Variants in RABGAP1L observed in about 807,000 individuals in gnomAD.
The protein encoded by RABGAP1L is rab GTPase-activating protein 1-like.
A neutral mutation model predicts 137.7 loss-of-function variants in RABGAP1L; 63 were observed. The ratio of observed to expected loss-of-function variants is 0.46; its 90% CI spans 0.37 to 0.56. The LOEUF is 0.56. Among genes scored for constraint, RABGAP1L ranks in the 20% least tolerant of loss-of-function variants. The probability of loss-of-function intolerance (pLI) is 0.00; values close to 1 mark genes in which losing one functional copy is unlikely to be tolerated. For synonymous variants in RABGAP1L, 431 were observed against 433.7 expected (o/e 0.99, Z 0.08); for missense variants, 1,095 against 1,244.0 (o/e 0.88, Z 1.80).
intron 13 of RABGAP1L, among the ~76,000 whole-genome samples, chr1:174,453,611 C>T (rs1033626965): frequency 2.6e-5 from 4 of 152,028 alleles, no homozygotes; most frequent in South Asian, 4.1e-4. Context: ...TGTACTCTGA[C>T]GTGTAGGTTC....
At position 174,433,321 on chromosome 1, in the gene RABGAP1L, A is replaced by G. The variant is rs377313346; in HGVS notation, c.1710+39176A>G. On this transcript the variant is annotated intron_variant, in intron 13 of 25. Coordinates refer to ENST00000681986, the MANE Select transcript of RABGAP1L (RefSeq NM_001366446.1). The stretch of plus-strand genomic sequence containing the variant: ...TACCTAGAGGAAAATATGAGAAGAA[A>G]GGTCATACTGTGTATGGTTTTATTT... 2.6e-4 allele frequency among the ~76,000 whole-genome samples: 40 copies of G among 152,320 alleles called. No homozygotes were observed. The East Asian group carries it at 4.6e-3, about 18-fold the overall frequency.
At chr1:174,945,398 C>T (rs1461413182) in intron 19 of RABGAP1L, 1 of 152,040 alleles carries the variant, frequency 6.6e-6, no homozygotes, top group African/African-American at 2.4e-5. Context: ...GAGCACCTCC[C>T]CCAAAAGAAA....
chr1:174,195,731 T>TTTTC (rs758201910), intron 1 of RABGAP1L, among the ~76,000 whole-genome samples: 89 of 85,164 alleles, frequency 1.0e-3, no homozygotes, highest in Middle Eastern at 6.4e-3. Context: ...CTTTTCTTTC[T>TTTTC]TTTCTTTCTT....
At position 174,250,566 on chromosome 1, in the gene RABGAP1L, A is replaced by C; in HGVS notation, c.809A>C (p.Asp270Ala). The C allele has an allele frequency of 6.2e-7, 1 of 1,614,008 alleles. No individual in the cohort carries two copies. Among genetic ancestry groups the C allele is most frequent in the Non-Finnish European group, 8.5e-7 (1 of 1,179,938 alleles). Residue 270 changes from aspartate (D) to alanine (A), a missense_variant, in exon 6 of 26, where the codon GAC becomes GCC. Coordinates refer to ENST00000681986, the MANE Select transcript of RABGAP1L (RefSeq NM_001366446.1). ...AAAGACTCAGTTATTCCTACCCCCG[A>C]CAGTGATGTGTTTACCTTCAGTGTC... ...DVKDSVIPTPDSDVFTFSVSL... is the reference protein window; with the variant it reads ...DVKDSVIPTPASDVFTFSVSL...
intron 13 of RABGAP1L, among the ~76,000 whole-genome samples, chr1:174,408,357 G>A (rs1553296135): frequency 6.6e-6 from 1 of 152,072 alleles, no homozygotes. Flanking sequence ...TAGGATAATG[G>A]CCTCCAGCTG....
At chr1:174,848,396 A>T (rs1394177260) in intron 19 of RABGAP1L, among the ~76,000 whole-genome samples, 13 of 133,326 alleles carry the variant, frequency 9.8e-5, no homozygotes, top group Non-Finnish European at 1.1e-4. Context: ...TGATGTACAG[A>T]TGGGTTTTTG....
Position 174,569,809 on chromosome 1 carries a change from G to C in RABGAP1L, c.1711-67566G>C, listed in dbSNP as rs1046667697. On this transcript the variant is annotated intron_variant, in intron 13 of 25. Coordinates refer to ENST00000681986, the MANE Select transcript of RABGAP1L (RefSeq NM_001366446.1). ...AGTAGAGAAGTTTGAAAGCTCTGCT[G>C]CTTCTTCCTTCTGCTAGACAAGGTT... is the stretch of plus-strand genomic sequence containing the variant. 2.0e-5 allele frequency among the ~76,000 whole-genome samples: 3 copies of C among 152,198 alleles called. No individual in the cohort carries two copies. In the East Asian group the frequency reaches 5.8e-4, roughly 29 times the overall value.
At position 174,278,770 on chromosome 1, in the gene RABGAP1L, A is replaced by G; in HGVS notation, c.1314A>G (p.Arg438=). The G allele has an allele frequency of 6.4e-7, 1 of 1,557,326 alleles. No homozygotes were observed. Among genetic ancestry groups the G allele is most frequent in the Admixed American group, 2.1e-5 (1 of 47,578 alleles). The change falls in exon 10 of 26, where the codon AGA becomes AGG. Residue 438 remains arginine (R), a synonymous_variant. Transcript: ENST00000681986. ...RKTFTETFFM[R]LKQSEGKGHT... ...CTTTCACAGAGACTTTCTTCATGAG[A>G]TTGAAACAGGTAGGACCTTTTTGTT...
At chr1:174,648,770 T>C (rs935914074) in intron 14 of RABGAP1L, among the ~76,000 whole-genome samples, 15 of 152,272 alleles carry the variant, frequency 9.9e-5, no homozygotes, top group African/African-American at 3.4e-4. Context: ...ATTTTCTGTC[T>C]TGTTGATCTG....
chr1:174,433,620 G>A (rs1652900264), intron 13 of RABGAP1L, among the ~76,000 whole-genome samples: 1 of 152,148 alleles, frequency 6.6e-6, no homozygotes, highest in Non-Finnish European at 1.5e-5. Flanking sequence ...CAGCTGGGCT[G>A]TTGTGTCTTG....
intron 19 of RABGAP1L, among the ~76,000 whole-genome samples, chr1:174,829,160 A>T (rs1022689671): frequency 6.8e-6 from 1 of 147,666 alleles, no homozygotes; most frequent in Non-Finnish European, 1.5e-5. Context: ...ATAGTAGATG[A>T]ATCAAGGAGT....
chr1:174,463,682 G>T (rs1362878287), intron 13 of RABGAP1L, among the ~76,000 whole-genome samples: 1 of 151,552 alleles, frequency 6.6e-6, no homozygotes, highest in African/African-American at 2.4e-5. Context: ...TAAAAAAGAA[G>T]ACATATGTGT....
chr1:174,822,620 T>C (rs1193984742), intron 19 of RABGAP1L, among the ~76,000 whole-genome samples: 2 of 152,190 alleles, frequency 1.3e-5, no homozygotes, highest in South Asian at 2.1e-4. Flanking sequence ...TAGATTCTCA[T>C]AGACAGAGCA....
intron 13 of RABGAP1L, among the ~76,000 whole-genome samples, chr1:174,538,569 C>G (rs1665085463): frequency 6.6e-6 from 1 of 152,144 alleles, no homozygotes; most frequent in South Asian, 2.1e-4. Context: ...ACTCTTTGAA[C>G]TGCATCTTGA....
intron 13 of RABGAP1L, among the ~76,000 whole-genome samples, chr1:174,615,465 T>A (rs1326827361): frequency 6.6e-6 from 1 of 152,200 alleles, no homozygotes; most frequent in East Asian, 1.9e-4. Context: ...CCCTGCCATG[T>A]CAGGTGTCGG....
At chr1:174,946,492 G>T (rs1190773257) in intron 19 of RABGAP1L, among the ~76,000 whole-genome samples, 1 of 151,860 alleles carries the variant, frequency 6.6e-6, no homozygotes, top group Non-Finnish European at 1.5e-5. Context: ...AAGCCTATAG[G>T]GTCTGTCATT....
At chr1:174,888,001 C>T (rs1655457452) in intron 19 of RABGAP1L, among the ~76,000 whole-genome samples, 2 of 151,868 alleles carry the variant, frequency 1.3e-5, no homozygotes, top group South Asian at 4.2e-4. Flanking sequence ...CACGCCACTG[C>T]ACTCCAGCCT....
chr1:174,780,957 T>C (rs1264050167), intron 18 of RABGAP1L, among the ~76,000 whole-genome samples: 1 of 152,112 alleles, frequency 6.6e-6, no homozygotes, highest in African/African-American at 2.4e-5. Context: ...ATTTTCTTAA[T>C]GCAGTCTATC....
chr1:174,756,174 A>T (rs961634587), intron 18 of RABGAP1L, among the ~76,000 whole-genome samples: 23 of 152,266 alleles, frequency 1.5e-4, no homozygotes, highest in African/African-American at 5.1e-4. Flanking sequence ...TTTGAGGCAG[A>T]GTCTGGTTCT....
Sources: gnomAD v4.1 joint callset for allele counts (sites outside exome capture counted in the v4.1 genomes callset) on GRCh38, gnomAD v4.1.1 for gene constraint, MANE v1.5 for transcripts, NCBI Gene and HGNC (gene_info 2026-07-23, HGNC 2026-07-21) for gene names.